Variants in B4GALT1 observed in about 807,000 individuals in gnomAD.
B4GALT1 encodes beta-1,4-galactosyltransferase 1, also known as N-acetyllactosamine synthase.
In B4GALT1, 16 loss-of-function variants were observed where a neutral mutation model predicts 34.9. The observed-to-expected ratio is 0.46, with a 90% CI of 0.31 to 0.70. The LOEUF (loss-of-function observed/expected upper bound fraction) is 0.70, where lower values mean the gene tolerates loss of function less well. Among genes scored for constraint, B4GALT1 ranks in the 30% least tolerant of loss-of-function variants. The pLI is 0.05. For missense variants in B4GALT1, 445 were observed against 530.5 expected, an observed-to-expected ratio of 0.84 and a Z score of 1.58; for synonymous variants, 221 against 218.1, an observed-to-expected ratio of 1.01 and a Z score of -0.12.
downstream of B4GALT1, among the ~76,000 whole-genome samples, chr9:33,105,782 G>A (rs895577855): frequency 6.6e-6 from 1 of 151,050 alleles, no homozygotes; most frequent in Middle Eastern, 3.4e-3. Flanking sequence ...GTTCATCTGA[G>A]TTGTAGTATA....
At chr9:33,174,661 A>G in the B4GALT1 span, among the ~76,000 whole-genome samples, 1 of 150,018 alleles carries the variant, frequency 6.7e-6, no homozygotes, top group African/African-American at 2.5e-5. Context: ...AATTACATGT[A>G]TATCTTATTG....
intron 1 of B4GALT1, among the ~76,000 whole-genome samples, chr9:33,143,667 C>T (rs1840384856): frequency 6.6e-6 from 1 of 152,196 alleles, no homozygotes; most frequent in South Asian, 2.1e-4. Flanking sequence ...ATTCCCTGGA[C>T]TACATTTTGA....
At chr9:33,176,597 T>C in the B4GALT1 span, among the ~76,000 whole-genome samples, 1 of 152,144 alleles carries the variant, frequency 6.6e-6, no homozygotes, top group Non-Finnish European at 1.5e-5. Context: ...AGCAAATTAA[T>C]GCAGGAACAG....
rs77213808 is a variant in B4GALT1 at position 33,164,538 on chromosome 9, G to A, written c.412+2220C>T. ...AAAATAGAGAAGGCACTCTCTCCTC[G>A]TCCTCCAAAATGTTCTTTCTCAGGA... On this transcript the variant is annotated intron_variant, in intron 1 of 5. Transcript: ENST00000379731. Among the ~76,000 whole-genome samples, 421 of 152,256 alleles carry A rather than the reference G, an allele frequency of 2.8e-3. 1 individual carries two copies. The highest frequency in any genetic ancestry group is 8.4e-3 in the African/African-American group (350 of 41,540).
chr9:33,108,012 T>C (rs1365086717), downstream of B4GALT1, among the ~76,000 whole-genome samples: 1 of 152,196 alleles, frequency 6.6e-6, no homozygotes, highest in African/African-American at 2.4e-5. Context: ...CCTGAGTGTG[T>C]GCATATGTAT....
At chr9:33,130,527 G>C (rs1840178863) in intron 2 of B4GALT1, among the ~76,000 whole-genome samples, 2 of 79,288 alleles carry the variant, frequency 2.5e-5, no homozygotes, top group Non-Finnish European at 5.0e-5. Context: ...TCTCAACCAG[G>C]AAAGCCTCTC....
At chr9:33,104,831 T>C (rs1359100946) in intron 2 of B4GALT1, 1 of 445,322 alleles carries the variant, frequency 2.2e-6, no homozygotes, top group Admixed American at 2.5e-5. Context: ...CCTTTTTTTT[T>C]TTTTTTGAGA....
upstream of B4GALT1, among the ~76,000 whole-genome samples, chr9:33,169,518 A>AT (rs10567394): frequency 0.065 from 8,568 of 132,314 alleles, 313 homozygotes; most frequent in East Asian, 0.15. Context: ...AACTGCTTGA[A>AT]TTTTTTTTTT....
At chr9:33,104,674 G>A (rs932923334) in exon 3 of B4GALT1, 5 of 446,338 alleles carry the variant, frequency 1.1e-5, no homozygotes, top group African/African-American at 4.1e-5. Context: ...CACGTCTCAC[G>A]CTCAAATCTC....
chr9:33,160,927 T>C (rs1840665086), intron 1 of B4GALT1, among the ~76,000 whole-genome samples: 1 of 152,140 alleles, frequency 6.6e-6, no homozygotes, highest in Non-Finnish European at 1.5e-5. Context: ...ACTTTTTACT[T>C]TTAAAATGAA....
At chr9:33,162,260 T>C (rs1465982853) in intron 1 of B4GALT1, among the ~76,000 whole-genome samples, 1 of 151,758 alleles carries the variant, frequency 6.6e-6, no homozygotes, top group Non-Finnish European at 1.5e-5. Flanking sequence ...GAACTTGGAG[T>C]TTCTGAAAGA....
chr9:33,168,377 C>G (rs894326124), upstream of B4GALT1, among the ~76,000 whole-genome samples: 2 of 152,312 alleles, frequency 1.3e-5, no homozygotes, highest in East Asian at 3.9e-4. Flanking sequence ...ACACCTCACC[C>G]CAGAGAAAGA....
downstream of B4GALT1, among the ~76,000 whole-genome samples, chr9:33,105,779 T>C (rs2774269): frequency 0.034 from 5,227 of 152,238 alleles, 280 homozygotes; most frequent in African/African-American, 0.12. Context: ...AAGGTTCATC[T>C]GAGTTGTAGT....
At chr9:33,129,996 G>A (rs967905953) in intron 2 of B4GALT1, among the ~76,000 whole-genome samples, 1 of 152,146 alleles carries the variant, frequency 6.6e-6, no homozygotes, top group Non-Finnish European at 1.5e-5. Context: ...AATGCTAACA[G>A]GTTTAAAAGA....
Position 33,110,844 on chromosome 9 carries a change from C to T in B4GALT1, c.*2610G>A, listed in dbSNP as rs2117988742. 6.6e-6 allele frequency: 1 copy of T among 152,334 alleles called. No homozygotes were observed. Among genetic ancestry groups the T allele is most frequent in the East Asian group, 1.9e-4 (1 of 5,190 alleles). 9.4% of individuals were successfully genotyped at this position (152,334 alleles called of 1,614,324 possible). ...CATCCTGGCTATGCAGAGCCCCCGC[C>T]CCTGGCAGTCAGCAGAGACCCTGTC... On this transcript the variant is annotated 3_prime_UTR_variant, in exon 6 of 6. Coordinates refer to ENST00000379731, the MANE Select transcript of B4GALT1 (RefSeq NM_001497.4).
intron 3 of B4GALT1, among the ~76,000 whole-genome samples, chr9:33,119,105 G>A (rs943261140): frequency 1.1e-4 from 16 of 152,038 alleles, no homozygotes; most frequent in Admixed American, 1.0e-3. Flanking sequence ...CAGGTGATCT[G>A]CCCGCCTCGG....
chr9:33,175,020 T>TATATATATATATATAA, the B4GALT1 span, among the ~76,000 whole-genome samples: 284 of 38,914 alleles, frequency 7.3e-3, 38 homozygotes, highest in Non-Finnish European at 0.011. Flanking sequence ...TATATATATA[T>TATATATATATATATAA]AAAATTGGAG....
At chr9:33,150,558 T>C (rs1024675094) in intron 1 of B4GALT1, among the ~76,000 whole-genome samples, 1 of 152,124 alleles carries the variant, frequency 6.6e-6, no homozygotes, top group Non-Finnish European at 1.5e-5. Flanking sequence ...TAATGAAGAA[T>C]AGATCAGTGG....
intron 1 of B4GALT1, among the ~76,000 whole-genome samples, chr9:33,144,373 T>C (rs1453261875): frequency 1.3e-5 from 2 of 152,136 alleles, no homozygotes; most frequent in Non-Finnish European, 2.9e-5. Flanking sequence ...TAGGTGGGAC[T>C]ACAGGCATGT....
Sources: gnomAD v4.1 joint callset for allele counts (sites outside exome capture counted in the v4.1 genomes callset) on GRCh38, gnomAD v4.1.1 for gene constraint, MANE v1.5 for transcripts, NCBI Gene and HGNC (gene_info 2026-07-23, HGNC 2026-07-21) for gene names.